The following NCKAP5 variants were observed in gnomAD, a reference collection of about 807,000 sequenced individuals.
NCKAP5 encodes nck-associated protein 5.
A neutral mutation model predicts 167.0 loss-of-function variants in NCKAP5; 92 were observed. That is an observed-to-expected ratio of 0.55 (90% CI 0.47 to 0.66). NCKAP5 has a LOEUF of 0.66. NCKAP5 is among the 30% of genes least tolerant of loss of function. NCKAP5 has a pLI of 0.00. For synonymous variants in NCKAP5, 891 were observed against 877.4 expected, an observed-to-expected ratio of 1.02 and a Z score of -0.27; for missense variants, 2,378 against 2,315.0, an observed-to-expected ratio of 1.03 and a Z score of -0.56.
At chr2:132,957,175 C>G (rs1461471271) in intron 8 of NCKAP5, among the ~76,000 whole-genome samples, 1 of 152,168 alleles carries the variant, frequency 6.6e-6, no homozygotes, top group Non-Finnish European at 1.5e-5. Context: ...CAAAAACCAA[C>G]AGACAATTGC....
chr2:133,079,122 A>G (rs2080715440), intron 6 of NCKAP5, among the ~76,000 whole-genome samples: 1 of 152,194 alleles, frequency 6.6e-6, no homozygotes, highest in Non-Finnish European at 1.5e-5. Flanking sequence ...TCCAGAGGCT[A>G]TCCTGGAATC....
At chr2:133,548,757 C>A (rs545367105) in intron 2 of NCKAP5, among the ~76,000 whole-genome samples, 44 of 152,210 alleles carry the variant, frequency 2.9e-4, no homozygotes, top group African/African-American at 8.2e-4. Flanking sequence ...AAAACCGGTA[C>A]CAGCCGCTGC....
At chr2:133,546,836 C>A (rs1244038366) in intron 2 of NCKAP5, among the ~76,000 whole-genome samples, 1 of 152,200 alleles carries the variant, frequency 6.6e-6, no homozygotes, top group Non-Finnish European at 1.5e-5. Flanking sequence ...AAGAGCAATT[C>A]TTTGTCCAAT....
intron 4 of NCKAP5, among the ~76,000 whole-genome samples, chr2:133,270,978 G>A (rs983024275): frequency 6.8e-6 from 1 of 147,346 alleles, no homozygotes; most frequent in African/African-American, 2.5e-5. Context: ...GGAGTGCAGT[G>A]GCATGATCTC....
At chr2:132,764,655 G>C (rs1303101724) in intron 16 of NCKAP5, among the ~76,000 whole-genome samples, 1 of 152,128 alleles carries the variant, frequency 6.6e-6, no homozygotes, top group Admixed American at 6.5e-5. Context: ...TTTGGTGCCA[G>C]TCTGATAGTA....
chr2:132,894,107 A>G (rs563059866), intron 8 of NCKAP5, among the ~76,000 whole-genome samples: 155 of 152,288 alleles, frequency 1.0e-3, no homozygotes, highest in South Asian at 2.3e-3. Context: ...TATTTTAAGG[A>G]AGGAATCCTG....
chr2:133,548,886 T>C (rs971851415), intron 2 of NCKAP5, among the ~76,000 whole-genome samples: 26 of 151,506 alleles, frequency 1.7e-4, no homozygotes, highest in Non-Finnish European at 7.4e-5. Context: ...CAATATTAAC[T>C]TTAAATGTAA....
chr2:133,504,849 C>G (rs1682859313), intron 3 of NCKAP5, among the ~76,000 whole-genome samples: 1 of 152,184 alleles, frequency 6.6e-6, no homozygotes, highest in Non-Finnish European at 1.5e-5. Flanking sequence ...ATTTTGACCC[C>G]TCTGAGTCTT....
At chr2:132,680,563 C>A (rs1017434789) in intron 19 of NCKAP5, among the ~76,000 whole-genome samples, 1 of 152,086 alleles carries the variant, frequency 6.6e-6, no homozygotes, top group Non-Finnish European at 1.5e-5. Flanking sequence ...GAAAATAATA[C>A]ACCTTGTGGA....
At chr2:133,067,253 G>C (rs575304936) in intron 6 of NCKAP5, among the ~76,000 whole-genome samples, 1 of 152,086 alleles carries the variant, frequency 6.6e-6, no homozygotes, top group African/African-American at 2.4e-5. Context: ...GAAATGTTGT[G>C]GTGTCTCACA....
At chr2:133,345,818 G>T (rs116352327) in intron 3 of NCKAP5, among the ~76,000 whole-genome samples, 52 of 152,242 alleles carry the variant, frequency 3.4e-4, no homozygotes, top group Admixed American at 3.4e-3. Flanking sequence ...TAAAGGAAGT[G>T]CAGTTACTGA....
chr2:132,953,218 G>A (rs1475938892), intron 8 of NCKAP5, among the ~76,000 whole-genome samples: 2 of 152,200 alleles, frequency 1.3e-5, no homozygotes, highest in African/African-American at 4.8e-5. Context: ...ACAGGCCCAT[G>A]TTCTGAGGGC....
chr2:133,177,144 G>A (rs1295536329), intron 5 of NCKAP5, among the ~76,000 whole-genome samples: 4 of 130,390 alleles, frequency 3.1e-5, no homozygotes, highest in South Asian at 2.6e-4. Flanking sequence ...GAATTTTAGC[G>A]ACACAGGAGG....
chr2:133,534,859 C>T lies in NCKAP5; in HGVS notation c.-61-17272G>A, dbSNP rs779519055. Among the ~76,000 whole-genome samples the T allele has an allele frequency of 5.9e-5, 9 of 152,016 alleles. No homozygotes were observed. The East Asian group carries it at 7.7e-4, about 13-fold the overall frequency. ...GGTATATACTTAGGAGAGAAATTGC[C>T]GGATCAAATGGAAACTCTGTTTATC... On this transcript the variant is annotated intron_variant, in intron 2 of 19. Coordinates refer to ENST00000409261, the MANE Select transcript of NCKAP5 (RefSeq NM_207363.3).
At chr2:132,967,230 G>A (rs1243708221) in intron 7 of NCKAP5, among the ~76,000 whole-genome samples, 6 of 149,384 alleles carry the variant, frequency 4.0e-5, no homozygotes, top group African/African-American at 1.2e-4. Context: ...CACTCTTAAA[G>A]TACCTAGATA....
At chr2:133,053,225 C>G (rs993582220) in intron 6 of NCKAP5, among the ~76,000 whole-genome samples, 1 of 152,144 alleles carries the variant, frequency 6.6e-6, no homozygotes, top group Non-Finnish European at 1.5e-5. Context: ...GGTCTAACAA[C>G]CATTCCTCCA....
chr2:132,731,686 CT>C lies in NCKAP5; in HGVS notation c.5443+50del, dbSNP rs546898224. ...ACTCATCTCCTGGTGAAAAGTTTCC[CT>C]TTTTTTTGTCAGCAAATGTCTTATT... On this transcript the variant is annotated intron_variant, in intron 17 of 19. Transcript: ENST00000409261. 1.0e-3 allele frequency: 1,569 copies of C among 1,507,970 alleles called. 24 individuals carry two copies. In the African/African-American group the frequency reaches 0.019, roughly 18 times the overall value. 93.4% of individuals were successfully genotyped at this position (1,507,970 alleles called of 1,614,324 possible). A position where few individuals can be genotyped will look rare whatever the true frequency, so the allele number is the denominator to read the frequency against.
At chr2:133,265,007 C>G (rs1310104836) in intron 4 of NCKAP5, 1 of 152,166 alleles carries the variant, frequency 6.6e-6, no homozygotes, top group East Asian at 1.9e-4. Flanking sequence ...GTGGAAATGA[C>G]CAATTCTGTG....
chr2:133,157,627 C>A (rs2083622350), intron 5 of NCKAP5, among the ~76,000 whole-genome samples: 1 of 152,150 alleles, frequency 6.6e-6, no homozygotes, highest in Non-Finnish European at 1.5e-5. Flanking sequence ...AAGATTTAGA[C>A]ATGCCCAGGA....
Sources: gnomAD v4.1 joint callset for allele counts (sites outside exome capture counted in the v4.1 genomes callset) on GRCh38, gnomAD v4.1.1 for gene constraint, MANE v1.5 for transcripts, NCBI Gene and HGNC (gene_info 2026-07-23, HGNC 2026-07-21) for gene names.